Variants in CDH13 observed in about 807,000 individuals in gnomAD.
CDH13 encodes cadherin-13.
In CDH13, 24 loss-of-function variants were observed where a neutral mutation model predicts 63.8. The observed-to-expected ratio is 0.38, with a 90% CI of 0.27 to 0.53. CDH13 has a LOEUF of 0.53. CDH13 is among the 20% of genes least tolerant of loss of function. The pLI is 0.85. For synonymous variants in CDH13, 503 were observed against 355.3 expected, an observed-to-expected ratio of 1.42 and a Z score of -4.67; for missense variants, 1,049 against 903.1, an observed-to-expected ratio of 1.16 and a Z score of -2.07.
chr16:83,466,911 T>C (rs1476546138), intron 6 of CDH13, among the ~76,000 whole-genome samples: 1 of 152,186 alleles, frequency 6.6e-6, no homozygotes, highest in African/African-American at 2.4e-5. Flanking sequence ...GCCCAATTAC[T>C]ACAATCAGTC....
intron 2 of CDH13, among the ~76,000 whole-genome samples, chr16:82,983,957 C>A (rs1383872417): frequency 6.6e-6 from 1 of 152,142 alleles, no homozygotes; most frequent in Non-Finnish European, 1.5e-5. Flanking sequence ...GAGTGGGTAG[C>A]TGGAGGCATA....
chr16:83,482,039 C>A (rs1256842164), intron 6 of CDH13, among the ~76,000 whole-genome samples: 1 of 152,130 alleles, frequency 6.6e-6, no homozygotes, highest in Non-Finnish European at 1.5e-5. Flanking sequence ...TGGTATGTGA[C>A]CCAGGAATCC....
Position 82,651,817 on chromosome 16 carries a change from G to T in CDH13, c.45+24680G>T, listed in dbSNP as rs140853965. On this transcript the variant is annotated intron_variant, in intron 1 of 13. Coordinates refer to ENST00000567109, the MANE Select transcript of CDH13 (RefSeq NM_001257.5). ...AACAATGACAAGTGATTTTTCCAGTGGGACAGCAAGAAGGTGATTGTGGTC... is the reference window on the plus strand; with the variant it reads ...AACAATGACAAGTGATTTTTCCAGTTGGACAGCAAGAAGGTGATTGTGGTC... Among the ~76,000 whole-genome samples, 11 of 152,310 alleles carry T rather than the reference G, an allele frequency of 7.2e-5. No homozygotes were observed. The East Asian group carries it at 1.9e-3, about 27-fold the overall frequency.
intron 5 of CDH13, among the ~76,000 whole-genome samples, chr16:83,323,796 T>A (rs1488270480): frequency 6.6e-6 from 1 of 152,206 alleles, no homozygotes; most frequent in African/African-American, 2.4e-5. Flanking sequence ...CCCATACAGT[T>A]TCCTCTTGTT....
chr16:83,391,835 G>C (rs1246035902), intron 6 of CDH13, among the ~76,000 whole-genome samples: 2 of 152,304 alleles, frequency 1.3e-5, no homozygotes, highest in East Asian at 1.9e-4. Flanking sequence ...CTGCATTGTG[G>C]TGATGTGTGG....
chr16:83,763,113 C>T (rs1158773665), intron 11 of CDH13, among the ~76,000 whole-genome samples: 2 of 152,128 alleles, frequency 1.3e-5, no homozygotes, highest in Non-Finnish European at 1.5e-5. Context: ...GCTTTTAAAA[C>T]AAGCCAAATT....
chr16:83,133,438 C>G (rs2036145040), intron 4 of CDH13, among the ~76,000 whole-genome samples: 1 of 151,884 alleles, frequency 6.6e-6, no homozygotes. Context: ...TAATATGGCT[C>G]ACGTATTTTT....
rs940164555 is a variant in CDH13 at position 82,769,860 on chromosome 16, G to A, written c.46-88502G>A. On this transcript the variant is annotated intron_variant, in intron 1 of 13. Transcript: ENST00000567109. ...TTGGAAACAATGGACTTAAACCTAC[G>A]AAATGTGACAGGATAAGTCAGAGAG... 7.2e-5 allele frequency among the ~76,000 whole-genome samples: 11 copies of A among 152,196 alleles called. 2 individuals are homozygous for A. Among genetic ancestry groups the A allele is most frequent in the Admixed American group, 4.6e-4 (7 of 15,280 alleles).
At chr16:83,629,136 A>G (rs1910566745) in intron 8 of CDH13, among the ~76,000 whole-genome samples, 1 of 152,236 alleles carries the variant, frequency 6.6e-6, no homozygotes, top group Non-Finnish European at 1.5e-5. Flanking sequence ...ATTAATCTGT[A>G]ATTGTTCTTA....
intron 4 of CDH13, among the ~76,000 whole-genome samples, chr16:83,175,399 G>T (rs1194171902): frequency 6.6e-6 from 1 of 152,128 alleles, no homozygotes; most frequent in Non-Finnish European, 1.5e-5. Context: ...GAACCATGCA[G>T]ACACTATTAA....
At chr16:83,370,900 C>G (rs1332824503) in intron 6 of CDH13, among the ~76,000 whole-genome samples, 1 of 152,116 alleles carries the variant, frequency 6.6e-6, no homozygotes, top group East Asian at 1.9e-4. Context: ...GAATCCCTGT[C>G]TTTACTACTG....
At chr16:82,816,975 T>G (rs1450870092) in intron 1 of CDH13, among the ~76,000 whole-genome samples, 2 of 151,818 alleles carry the variant, frequency 1.3e-5, no homozygotes, top group Non-Finnish European at 2.9e-5. Context: ...AACAGAGACT[T>G]TTTACAGGGT....
intron 3 of CDH13, among the ~76,000 whole-genome samples, chr16:83,064,850 T>G (rs2031865443): frequency 6.6e-6 from 1 of 152,220 alleles, no homozygotes; most frequent in Admixed American, 6.5e-5. Flanking sequence ...ACCTATCCTT[T>G]TTTTGCTGAG....
intron 1 of CDH13, among the ~76,000 whole-genome samples, chr16:82,849,781 A>T (rs1303984140): frequency 6.6e-6 from 1 of 152,190 alleles, no homozygotes; most frequent in Non-Finnish European, 1.5e-5. Flanking sequence ...ACCATTGCAA[A>T]CATCTTAGGG....
At chr16:83,202,932 A>G (rs929951395) in intron 4 of CDH13, among the ~76,000 whole-genome samples, 2 of 152,074 alleles carry the variant, frequency 1.3e-5, no homozygotes, top group African/African-American at 4.8e-5. Flanking sequence ...GGGCTGAAAA[A>G]CTTCCTTTTG....
chr16:83,550,858 C>T (rs920537901), intron 7 of CDH13, among the ~76,000 whole-genome samples: 2 of 152,092 alleles, frequency 1.3e-5, no homozygotes, highest in South Asian at 2.1e-4. Context: ...TAAGCCTAAC[C>T]TCTCAGGTTA....
At chr16:83,082,157 T>G (rs1375732409) in intron 3 of CDH13, among the ~76,000 whole-genome samples, 1 of 152,202 alleles carries the variant, frequency 6.6e-6, no homozygotes, top group Non-Finnish European at 1.5e-5. Flanking sequence ...GGTTTAGGGC[T>G]TCAACATAGT....
intron 2 of CDH13, among the ~76,000 whole-genome samples, chr16:82,938,855 C>T (rs911941085): frequency 2.0e-5 from 3 of 151,804 alleles, no homozygotes; most frequent in Non-Finnish European, 4.4e-5. Context: ...GAGGGAGTTC[C>T]CTTCAGCTGG....
chr16:82,808,850 C>A (rs749069316), intron 1 of CDH13, among the ~76,000 whole-genome samples: 5 of 152,056 alleles, frequency 3.3e-5, no homozygotes, highest in Non-Finnish European at 5.9e-5. Context: ...AAAATTAATT[C>A]ATTTAACCTT....
Sources: allele counts gnomAD v4.1 joint callset (sites outside exome capture counted in the v4.1 genomes callset), GRCh38; gene constraint gnomAD v4.1.1; transcripts MANE v1.5; gene names NCBI Gene and HGNC (gene_info 2026-07-23, HGNC 2026-07-21).